The following PLEKHH1 variants were observed in gnomAD, a reference collection of about 807,000 sequenced individuals.
PLEKHH1 encodes pleckstrin homology domain-containing family H member 1.
In PLEKHH1, 104 loss-of-function variants were observed where a neutral mutation model predicts 160.0. That is an observed-to-expected ratio of 0.65 (90% confidence interval 0.55 to 0.76). PLEKHH1 has a LOEUF of 0.76. Among genes scored for constraint, PLEKHH1 ranks in the 30% least tolerant of loss-of-function variants. The probability of loss-of-function intolerance (pLI) is 0.00; values close to 1 mark genes in which losing one functional copy is unlikely to be tolerated. For missense variants in PLEKHH1, 1,427 were observed against 1,724.1 expected (o/e 0.83, Z 3.05); for synonymous variants, 619 against 678.4 (o/e 0.91, Z 1.36).
At chr14:67,586,896 C>A (rs75859697) in intron 28 of PLEKHH1, 178 bp from the exon 29 acceptor site, 2 of 1,530,008 alleles carry the variant, frequency 1.3e-6, no homozygotes, top group East Asian at 2.5e-5. Context: ...GGAGCCCACA[C>A]CACTGGGCCT....
intron 7 of PLEKHH1, among the ~76,000 whole-genome samples, chr14:67,564,149 C>T (rs1056787732): frequency 2.0e-5 from 3 of 152,092 alleles, no homozygotes; most frequent in African/African-American, 7.2e-5. Flanking sequence ...GATCCGCCCG[C>T]CTCAGCCTCC....
At chr14:67,560,137 G>A (rs532035301) in intron 5 of PLEKHH1, among the ~76,000 whole-genome samples, 5 of 152,056 alleles carry the variant, frequency 3.3e-5, no homozygotes, top group South Asian at 4.2e-4. Flanking sequence ...ACCGATTCTC[G>A]TGCCTCAGCC....
chr14:67,536,314 C>T (rs2033715056), intron 1 of PLEKHH1, among the ~76,000 whole-genome samples: 2 of 151,826 alleles, frequency 1.3e-5, no homozygotes, highest in South Asian at 4.1e-4. Context: ...CTCCCAGCCT[C>T]ATCCCCAGAA....
chr14:67,589,600 C>T lies in PLEKHH1; in HGVS notation c.*2365C>T, dbSNP rs1432503115. 2 of 985,942 alleles carry T rather than the reference C, an allele frequency of 2.0e-6. No homozygotes were observed. Among genetic ancestry groups the T allele is most frequent in the African/African-American group, 3.5e-5 (2 of 57,220 alleles). The allele number at this position is 985,942 out of a possible 1,614,324, so 61.1% of individuals were successfully genotyped here. ...AAATAAGCCCTGTACAGAACACAGG[C>T]ACTAGGTTGACAGACTCGTCTTTTG... On this transcript the variant is annotated 3_prime_UTR_variant, in exon 29 of 29. Transcript: ENST00000329153.
At chr14:67,555,680 A>G in intron 2 of PLEKHH1, 145 bp from the exon 3 acceptor site, 1 of 1,179,946 alleles carries the variant, frequency 8.5e-7, no homozygotes, top group South Asian at 1.5e-5. Flanking sequence ...GAAAATCCTT[A>G]CCCTGACACT....
Position 67,570,010 on chromosome 14 carries a change from G to A in PLEKHH1, c.1432G>A (p.Gly478Arg). ...TGTGCCTGTCTACACAGCACTGAAG[G>A]GGGTAAGAAACTGCTGCACAAAGAG... Reference protein sequence around the residue: ...VTVPVYTALKGRATQISNMPF... With the variant: ...VTVPVYTALKRRATQISNMPF... Residue 478 changes from glycine (G) to arginine (R), a missense_variant and splice_region_variant, in exon 9 of 29, where the codon GGG becomes AGG. This residue lies in a region of PLEKHH1 where 831 missense variants were observed against 929.2 expected (regional missense o/e 0.89). Coordinates refer to ENST00000329153, the MANE Select transcript of PLEKHH1 (RefSeq NM_020715.3). 1.9e-6 allele frequency: 3 copies of A among 1,585,614 alleles called. No homozygotes were observed. The highest frequency in any genetic ancestry group is 2.6e-6 in the Non-Finnish European group (3 of 1,159,114).
chr14:67,537,796 GACT>G (rs2033799141), intron 1 of PLEKHH1, among the ~76,000 whole-genome samples: 3 of 152,198 alleles, frequency 2.0e-5, no homozygotes, highest in Admixed American at 6.5e-5. Context: ...GTCACCTAAT[GACT>G]TCCTGTGCCA....
Position 67,586,063 on chromosome 14 carries a change from T to A in PLEKHH1, c.3899T>A (p.Ile1300Asn). The A allele has an allele frequency of 6.2e-7, 1 of 1,613,978 alleles. No homozygotes were observed. The highest frequency in any genetic ancestry group is 8.5e-7 in the Non-Finnish European group (1 of 1,179,884). ...GACAAGAGCTCTGGAAAAAGCCACA[T>A]TGAGAAGTTGATCTTCCGGATGGCT... ...IPDKSSGKSH[I>N]EKLIFRMAAP... Residue 1300 changes from isoleucine (I) to asparagine (N), a missense_variant, in exon 28 of 29, where the codon ATT becomes AAT. By Grantham distance (149) the Ile-to-Asn change is moderately radical. Coordinates refer to ENST00000329153, the MANE Select transcript of PLEKHH1 (RefSeq NM_020715.3).
At chr14:67,550,279 C>CCG (rs2034346266) in intron 2 of PLEKHH1, among the ~76,000 whole-genome samples, 1 of 152,164 alleles carries the variant, frequency 6.6e-6, no homozygotes, top group Non-Finnish European at 1.5e-5. Context: ...ACCTCTGCCC[C>CCG]CGAGGCTCAA....
Position 67,589,413 on chromosome 14 carries a change from G to A in PLEKHH1, c.*2178G>A, listed in dbSNP as rs2036297227. 5 of 985,176 alleles carry A rather than the reference G, an allele frequency of 5.1e-6. No homozygotes were observed. The South Asian group carries it at 1.9e-4, about 37-fold the overall frequency. The allele number at this position is 985,176 out of a possible 1,614,324, so 61.0% of individuals were successfully genotyped here. A position where few individuals can be genotyped will look rare whatever the true frequency, so the allele number is the denominator to read the frequency against. On this transcript the variant is annotated 3_prime_UTR_variant, in exon 29 of 29. Transcript: ENST00000329153. The stretch of plus-strand genomic sequence containing the variant: ...TTTTGTCTCATCCTTCTTGGCAAAA[G>A]TAGCTTTTGAACTGATATAAAAAAA...
At position 67,576,339 on chromosome 14, in the gene PLEKHH1, C is replaced by A; in HGVS notation, c.2353-56C>A. ...CCTTCAAGGAGTCCTCCTTGGAGCT[C>A]TTGCCTCCACTCTTCCCACCCCGTC... On this transcript the variant is annotated intron_variant, in intron 16 of 28. Transcript: ENST00000329153. This position sits in a 1 kb window ranked among gnomAD's most constrained non-coding sequence, Gnocchi z 4.0. The A allele has an allele frequency of 1.0e-6, 1 of 998,042 alleles. No individual in the cohort carries two copies. Among genetic ancestry groups the A allele is most frequent in the South Asian group, 1.5e-5 (1 of 68,878 alleles). The allele number at this position is 998,042 out of a possible 1,614,324, so 61.8% of individuals were successfully genotyped here. A position where few individuals can be genotyped will look rare whatever the true frequency, so the allele number is the denominator to read the frequency against.
In PLEKHH1 at chr14:67,582,286, G is replaced by A; in HGVS notation, c.3426+76G>A. 6.2e-7 allele frequency: 1 copy of A among 1,605,250 alleles called. No individual in the cohort carries two copies. Among genetic ancestry groups the A allele is most frequent in the Non-Finnish European group, 8.5e-7 (1 of 1,176,808 alleles). On this transcript the variant is annotated intron_variant, in intron 24 of 28. Coordinates refer to ENST00000329153, the MANE Select transcript of PLEKHH1 (RefSeq NM_020715.3). This position sits in a 1 kb window ranked among gnomAD's most constrained non-coding sequence, Gnocchi z 5.0. ...ATGCACCATGCAGCCTGAAACACAG[G>A]AGAGATTCTGCAGATCCTGTGGTGC...
chr14:67,566,645 G>A (rs534107686), intron 7 of PLEKHH1, among the ~76,000 whole-genome samples: 4 of 152,064 alleles, frequency 2.6e-5, no homozygotes, highest in African/African-American at 9.6e-5. Context: ...CTACTCAGGA[G>A]GCTTAAGTGG....
At chr14:67,571,961 A>T (rs1463769243) in intron 10 of PLEKHH1, 59 bp downstream of exon 10, 5 of 1,546,974 alleles carry the variant, frequency 3.2e-6, no homozygotes, top group Non-Finnish European at 4.4e-6. Flanking sequence ...ACCTCTTCCC[A>T]TGGGCACTTG....
At position 67,584,114 on chromosome 14, in the gene PLEKHH1, T is replaced by C. The variant is rs775269273; in HGVS notation, c.3689T>C (p.Phe1230Ser). 2.5e-6 allele frequency: 4 copies of C among 1,613,526 alleles called. No individual in the cohort carries two copies. The highest frequency in any genetic ancestry group is 3.4e-6 in the Non-Finnish European group (4 of 1,179,870). The change falls in exon 26 of 29, where the codon TTT becomes TCT. Residue 1230 changes from phenylalanine (F) to serine (S), a missense_variant. Phe to Ser is a radical substitution (Grantham distance 155). Around this residue, in one of 6 missense-constraint regions of PLEKHH1, gnomAD observed 56 missense variants for 53.0 expected, o/e 1.06. Coordinates refer to ENST00000329153, the MANE Select transcript of PLEKHH1 (RefSeq NM_020715.3). ...RKWPFFGAKL[F>S]AAQPAQLSSK... ...TGGCCTTTCTTTGGTGCTAAACTTTTTGCTGCTCAGGTAAGTGCCAGTGGA... is the reference window on the plus strand; with the variant it reads ...TGGCCTTTCTTTGGTGCTAAACTTTCTGCTGCTCAGGTAAGTGCCAGTGGA...
intron 15 of PLEKHH1, 71 bp downstream of exon 15, chr14:67,575,543 C>T (rs1432482051): frequency 1.1e-6 from 1 of 947,074 alleles, no homozygotes; most frequent in South Asian, 1.4e-5. Context: ...ACTCTATGTC[C>T]TGATGAAAGT....
chr14:67,578,540 C>T lies in PLEKHH1; in HGVS notation c.2758C>T (p.Gln920Ter). The T allele has an allele frequency of 6.2e-7, 1 of 1,608,118 alleles. No individual in the cohort carries two copies. The highest frequency in any genetic ancestry group is 8.5e-7 in the Non-Finnish European group (1 of 1,177,118). ...PQKYSLMQCW[Q>*]LLALCAPLFL... ...CTGTCTGTGTCCCTGGCAGTGCTGG[C>T]AGCTCCTCGCTCTGTGTGCTCCACT... The change falls in exon 20 of 29, where the codon CAG becomes TAG. Residue 920 changes from glutamine to a stop codon, truncating the protein, a stop_gained. Transcript: ENST00000329153. LOFTEE classifies it high-confidence loss of function. The surrounding 1 kb of genome is among the most constrained non-coding windows in gnomAD (Gnocchi z 5.0).
At position 67,562,474 on chromosome 14, in the gene PLEKHH1, C is replaced by T. The variant is rs2034885445; in HGVS notation, c.843C>T (p.Ser281=). Residue 281 remains serine, a synonymous_variant, in exon 7 of 29, where the codon TCC becomes TCT. Coordinates refer to ENST00000329153, the MANE Select transcript of PLEKHH1 (RefSeq NM_020715.3). ...TTACCTTCAGATGTAGTTCAGCTTC[C>T]TGGGGTGAGGGTCTGGTTACTGCTC... The part of the protein sequence containing the change: ...KLLTFRCSSA[S]WGEGLVTAQR... 1.2e-6 allele frequency: 2 copies of T among 1,613,706 alleles called. No homozygotes were observed. Among genetic ancestry groups the T allele is most frequent in the South Asian group, 2.2e-5 (2 of 91,070 alleles).
intron 7 of PLEKHH1, among the ~76,000 whole-genome samples, chr14:67,566,496 G>A (rs776007019): frequency 6.6e-6 from 1 of 152,136 alleles, no homozygotes; most frequent in Non-Finnish European, 1.5e-5. Flanking sequence ...TGTAATCCCA[G>A]CACTTTGGGA....
Sources: allele counts gnomAD v4.1 joint callset (sites outside exome capture counted in the v4.1 genomes callset), GRCh38; gene constraint gnomAD v4.1.1; regional missense constraint gnomAD v4.1.1; non-coding constraint Gnocchi (gnomAD v3.1); transcripts MANE v1.5; gene names NCBI Gene and HGNC (gene_info 2026-07-23, HGNC 2026-07-21).